The following ANKRD11 variants were observed in gnomAD, a reference collection of about 807,000 sequenced individuals.
ANKRD11 encodes the protein ankyrin repeat domain-containing protein 11.
In ANKRD11, 17 loss-of-function variants were observed where a neutral mutation model predicts 195.7. The observed-to-expected ratio is 0.09, with a 90% CI of 0.06 to 0.13. The LOEUF is 0.13. ANKRD11 is among the 10% of genes least tolerant of loss of function. ANKRD11 has a pLI of 1.00. For synonymous variants in ANKRD11, 1,953 were observed against 1,528.1 expected (o/e 1.28, Z -6.49); for missense variants, 3,735 against 3,566.1 (o/e 1.05, Z -1.21).
intron 12 of ANKRD11, among the ~76,000 whole-genome samples, chr16:89,269,367 A>G (rs1014489676): frequency 2.6e-5 from 4 of 152,164 alleles, no homozygotes; most frequent in African/African-American, 9.7e-5. Context: ...CAGTGTGATC[A>G]TGTCTGTCTC....
rs773880462 is a variant in ANKRD11 at position 89,280,328 on chromosome 16, G to A, written c.6214C>T (p.Leu2072Phe). The A allele has an allele frequency of 3.2e-6, 5 of 1,581,634 alleles. No homozygotes were observed. The highest frequency in any genetic ancestry group is 4.3e-6 in the Non-Finnish European group (5 of 1,163,658). Residue 2072 changes from leucine to phenylalanine, a missense_variant, in exon 9 of 13, where the codon CTT becomes TTT. Physicochemically the swap from Leu to Phe is conservative, Grantham distance 22. Transcript: ENST00000301030. Reference protein sequence around the residue: ...LESFFSNCKSLPEAPLDVAPE... With the variant: ...LESFFSNCKSFPEAPLDVAPE... ...GCCACGTCCAGCGGGGCTTCCGGAA[G>A]TGACTTGCAGTTGCTGAAGAAGGAC...
intron 4 of ANKRD11, among the ~76,000 whole-genome samples, chr16:89,295,777 C>T (rs1337078309): frequency 2.4e-5 from 3 of 126,468 alleles, no homozygotes; most frequent in Admixed American, 7.8e-5. Flanking sequence ...CTGGTGGGAT[C>T]GGAGCGGGGG....
At chr16:89,472,686 T>G (rs1022756129) in intron 1 of ANKRD11, among the ~76,000 whole-genome samples, 1 of 152,246 alleles carries the variant, frequency 6.6e-6, no homozygotes, top group South Asian at 2.1e-4. Context: ...GAGGTGTTAC[T>G]GTTTTATTAG....
chr16:89,400,890 G>A (rs1195186273), intron 2 of ANKRD11, among the ~76,000 whole-genome samples: 1 of 152,126 alleles, frequency 6.6e-6, no homozygotes, highest in East Asian at 1.9e-4. Flanking sequence ...TTGGACGCCT[G>A]TCGCCCTCCA....
chr16:89,488,003 A>G (rs905877583), intron 1 of ANKRD11, among the ~76,000 whole-genome samples: 1 of 152,194 alleles, frequency 6.6e-6, no homozygotes, highest in South Asian at 2.1e-4. Context: ...GGAGAAAAGC[A>G]TCTGGCGGTG....
At chr16:89,295,409 T>C (rs938389518) in intron 4 of ANKRD11, among the ~76,000 whole-genome samples, 9 of 152,162 alleles carry the variant, frequency 5.9e-5, no homozygotes, top group Admixed American at 5.2e-4. Flanking sequence ...AGGGCCTTTC[T>C]TCAAACCACA....
intron 1 of ANKRD11, among the ~76,000 whole-genome samples, chr16:89,423,218 G>A (rs2042583908): frequency 6.6e-6 from 1 of 152,250 alleles, no homozygotes; most frequent in Non-Finnish European, 1.5e-5. Context: ...AACGCTGCTA[G>A]CCAGAGCTAT....
At chr16:89,349,134 T>TTAAAAAAAAAAAAAAAAAAA (rs1465337833) in intron 2 of ANKRD11, among the ~76,000 whole-genome samples, 1 of 16,576 alleles carries the variant, frequency 6.0e-5, no homozygotes, top group Non-Finnish European at 9.5e-5. Flanking sequence ...TCTCAAAAAG[T>TTAAAAAAAAAAAAAAAAAAA]AAAAAAAAAA....
intron 3 of ANKRD11, among the ~76,000 whole-genome samples, chr16:89,305,643 C>T (rs1470174759): frequency 7.0e-6 from 1 of 143,692 alleles, no homozygotes; most frequent in African/African-American, 2.6e-5. Flanking sequence ...CACGCGCTAC[C>T]TCTCACTCCG....
intron 2 of ANKRD11, among the ~76,000 whole-genome samples, chr16:89,407,668 TACACAC>T (rs112958844): frequency 6.6e-6 from 1 of 150,704 alleles, no homozygotes; most frequent in Non-Finnish European, 1.5e-5. Flanking sequence ...CAAACACACA[TACACAC>T]ACACACACAC....
Position 89,285,109 on chromosome 16 carries a change from G to A in ANKRD11, c.1433C>T (p.Ser478Phe), listed in dbSNP as rs757502026. Residue 478 changes from serine (S) to phenylalanine (F), a missense_variant, in exon 9 of 13, where the codon TCC becomes TTC. Coordinates refer to ENST00000301030, the MANE Select transcript of ANKRD11 (RefSeq NM_013275.6). The surrounding 1 kb of genome is among the most constrained non-coding windows in gnomAD (Gnocchi z 5.6). ...RFGKRSDKFC[S>F]SESESESSES... is the part of the protein sequence containing the mutation. ...TGAGGACTCGCTCTCCGACTCCGAG[G>A]AGCAGAACTTGTCGCTCCGCTTTCC... 1.2e-6 allele frequency: 2 copies of A among 1,613,630 alleles called. No homozygotes were observed. The highest frequency in any genetic ancestry group is 1.7e-6 in the Non-Finnish European group (2 of 1,180,052).
At chr16:89,341,397 G>C (rs768032032) in intron 2 of ANKRD11, among the ~76,000 whole-genome samples, 1 of 152,202 alleles carries the variant, frequency 6.6e-6, no homozygotes, top group South Asian at 2.1e-4. Context: ...ACAGGTTGGA[G>C]GGATAAGGCC....
intron 2 of ANKRD11, among the ~76,000 whole-genome samples, chr16:89,408,434 C>T (rs1409343850): frequency 6.6e-6 from 1 of 152,236 alleles, no homozygotes; most frequent in Non-Finnish European, 1.5e-5. Flanking sequence ...GGTACACAGG[C>T]CGTTAGAAAC....
At chr16:89,408,014 C>T (rs2041978118) in intron 2 of ANKRD11, among the ~76,000 whole-genome samples, 1 of 152,122 alleles carries the variant, frequency 6.6e-6, no homozygotes, top group African/African-American at 2.4e-5. Flanking sequence ...TGGTCACTCC[C>T]CAGCTACAGC....
chr16:89,415,927 C>A (rs2042290316), intron 2 of ANKRD11, among the ~76,000 whole-genome samples: 1 of 151,278 alleles, frequency 6.6e-6, no homozygotes, highest in African/African-American at 2.4e-5. Flanking sequence ...TCTGGTCACA[C>A]TGCGCCCAAC....
At chr16:89,308,485 T>C (rs532987088) in intron 3 of ANKRD11, among the ~76,000 whole-genome samples, 1 of 152,008 alleles carries the variant, frequency 6.6e-6, no homozygotes, top group East Asian at 1.9e-4. Flanking sequence ...AAAGAAAATA[T>C]CCAAATAAGA....
chr16:89,387,159 A>C (rs921452554), intron 2 of ANKRD11, among the ~76,000 whole-genome samples: 14 of 152,032 alleles, frequency 9.2e-5, no homozygotes, highest in African/African-American at 3.1e-4. Flanking sequence ...ACCACCAAAC[A>C]ATGGTGAAGA....
chr16:89,402,535 C>A (rs976794589), intron 2 of ANKRD11, among the ~76,000 whole-genome samples: 7 of 151,554 alleles, frequency 4.6e-5, no homozygotes, highest in African/African-American at 1.7e-4. Flanking sequence ...TTAAAAATTG[C>A]TGCGTATGGT....
chr16:89,403,363 G>A (rs540461342), intron 2 of ANKRD11, among the ~76,000 whole-genome samples: 2 of 152,254 alleles, frequency 1.3e-5, no homozygotes, highest in African/African-American at 4.8e-5. Context: ...GAAGAACATG[G>A]AGGAGCTCAT....
Sources: allele counts gnomAD v4.1 joint callset (sites outside exome capture counted in the v4.1 genomes callset), GRCh38; gene constraint gnomAD v4.1.1; non-coding constraint Gnocchi (gnomAD v3.1); transcripts MANE v1.5; gene names NCBI Gene and HGNC (gene_info 2026-07-23, HGNC 2026-07-21).